MYMK: variants seen among roughly 807,000 people sequenced by gnomAD.
MYMK encodes protein myomaker.
MYMK carries 16 observed loss-of-function variants against 22.4 expected under a neutral mutation model. The observed-to-expected ratio is 0.72, with a 90% CI of 0.48 to 1.09. MYMK has a LOEUF of 1.09. MYMK is among the 50% of genes least tolerant of loss of function. The pLI is 0.00. For synonymous variants in MYMK, 125 were observed against 127.0 expected, an observed-to-expected ratio of 0.98 and a Z score of 0.11; for missense variants, 250 against 295.6, an observed-to-expected ratio of 0.85 and a Z score of 1.13.
intron 3 of MYMK, 57 bp downstream of exon 3, chr9:133,518,816 AG>A (rs1284956932): frequency 5.1e-6 from 8 of 1,570,326 alleles, no homozygotes; most frequent in Non-Finnish European, 6.9e-6. Flanking sequence ...GGAGTCAGAC[AG>A]GGGAGAGGTG....
intron 1 of MYMK, among the ~76,000 whole-genome samples, chr9:133,521,246 A>T (rs1333383055): frequency 1.3e-5 from 2 of 152,220 alleles, no homozygotes; most frequent in Non-Finnish European, 2.9e-5. Context: ...TCATCATTTT[A>T]GGTAATATTT....
intron 2 of MYMK, 100 bp from the exon 3 acceptor site, chr9:133,519,122 C>T: frequency 1.4e-6 from 2 of 1,453,814 alleles, no homozygotes. Context: ...CCTGTAGATG[C>T]CCTCTCTCGG....
chr9:133,516,118 T>C (rs1013515746), intron 3 of MYMK, among the ~76,000 whole-genome samples: 1 of 152,102 alleles, frequency 6.6e-6, no homozygotes, highest in African/African-American at 2.4e-5. Flanking sequence ...TGGCCAGCAC[T>C]GCTTCTCAGG....
chr9:133,519,302 C>G (rs114588947), intron 2 of MYMK, among the ~76,000 whole-genome samples: 3,536 of 152,168 alleles, frequency 0.023, 145 homozygotes, highest in African/African-American at 0.08. Flanking sequence ...TGTGGTGGCT[C>G]AGGTCTGCAA....
At chr9:133,516,331 T>C (rs1316697900) in intron 3 of MYMK, among the ~76,000 whole-genome samples, 1 of 152,162 alleles carries the variant, frequency 6.6e-6, no homozygotes, top group African/African-American at 2.4e-5. Flanking sequence ...CCTGGTCCCC[T>C]CTTGGGAGGG....
At chr9:133,514,926 G>A (rs897953597) in intron 4 of MYMK, 141 bp from the exon 5 acceptor site, 3 of 909,956 alleles carry the variant, frequency 3.3e-6, no homozygotes, top group East Asian at 2.7e-5. Flanking sequence ...CCACGGTCGC[G>A]CTCACAGTGG....
Position 133,520,286 on chromosome 9 carries a change from G to A in MYMK, c.138C>T (p.Leu46=), listed in dbSNP as rs991485768. The A allele has an allele frequency of 1.2e-6, 2 of 1,614,006 alleles. No homozygotes were observed. The highest frequency in any genetic ancestry group is 2.2e-5 in the East Asian group (1 of 44,876). Residue 46 remains leucine, a splice_region_variant and synonymous_variant, in exon 2 of 5, where the codon CTC becomes CTT. Transcript: ENST00000339996. ...VYLFTLFFVA[L]HHACNGPGLS... ...AGCCGGGTCCATTGCAGGCATGGTG[G>A]AGCTGCCAGAAAACCCACAGGTGGT...
chr9:133,520,425 T>C, intron 1 of MYMK, 137 bp from the exon 2 acceptor site: 2 of 676,454 alleles, frequency 3.0e-6, no homozygotes, highest in South Asian at 1.8e-5. Flanking sequence ...TGTGCCTCAG[T>C]CTCCCCGTCT....
At chr9:133,522,275 G>A (rs1274799106) in intron 1 of MYMK, among the ~76,000 whole-genome samples, 2 of 151,710 alleles carry the variant, frequency 1.3e-5, no homozygotes, top group African/African-American at 2.4e-5. Flanking sequence ...GGCCTGGGGG[G>A]TCAGAGCTCA....
chr9:133,520,307 G>A lies in MYMK; in HGVS notation c.136-19C>T. 6.2e-7 allele frequency: 1 copy of A among 1,608,756 alleles called. No homozygotes were observed. Among genetic ancestry groups the A allele is most frequent in the Non-Finnish European group, 8.5e-7 (1 of 1,175,324 alleles). Reference sequence around the variant, plus strand: ...GGTGGAGCTGCCAGAAAACCCACAGGTGGTCACAGCACAAAGAGGCCAGAG... The same window carrying A: ...GGTGGAGCTGCCAGAAAACCCACAGATGGTCACAGCACAAAGAGGCCAGAG... On this transcript the variant is annotated intron_variant, in intron 1 of 4. Transcript: ENST00000339996.
intron 2 of MYMK, 75 bp from the exon 3 acceptor site, chr9:133,519,097 GC>G (rs1322041670): frequency 1.3e-6 from 2 of 1,491,014 alleles, no homozygotes; most frequent in Non-Finnish European, 1.8e-6. Flanking sequence ...CCACCCCCCA[GC>G]CCCCAGGAGG....
chr9:133,520,400 G>C (rs1844689197), intron 1 of MYMK, 112 bp from the exon 2 acceptor site: 5 of 771,512 alleles, frequency 6.5e-6, no homozygotes, highest in African/African-American at 1.7e-5. Flanking sequence ...ACTTTGGCGA[G>C]TCACTTAATG....
At chr9:133,524,116 C>T (rs2131073055) in intron 1 of MYMK, among the ~76,000 whole-genome samples, 1 of 152,180 alleles carries the variant, frequency 6.6e-6, no homozygotes, top group Admixed American at 6.5e-5. Flanking sequence ...CGGAGACAGT[C>T]AGCCAGCCAG....
At chr9:133,519,149 G>C (rs554893264) in intron 2 of MYMK, 127 bp from the exon 3 acceptor site, 3 of 1,186,918 alleles carry the variant, frequency 2.5e-6, no homozygotes, top group East Asian at 2.5e-5. Flanking sequence ...CTCAGCCAGC[G>C]AGACCCTGAG....
rs1844619292 is a variant in MYMK at position 133,515,409 on chromosome 9, G to T, written c.516+82C>A. On this transcript the variant is annotated intron_variant, in intron 4 of 4. Transcript: ENST00000339996. The surrounding 1 kb of genome is among the most constrained non-coding windows in gnomAD (Gnocchi z 5.8). ...GGCTGTCAGAGTCCCCCCAGCGTGG[G>T]CACAGCCCTGGTATCCCAGCTGAGC... The T allele has an allele frequency of 1.0e-6, 1 of 978,816 alleles. No homozygotes were observed. The highest frequency in any genetic ancestry group is 1.6e-6 in the Non-Finnish European group (1 of 624,452). 60.6% of individuals were successfully genotyped at this position (978,816 alleles called of 1,614,324 possible). A position where few individuals can be genotyped will look rare whatever the true frequency, so the allele number is the denominator to read the frequency against.
chr9:133,521,594 A>T (rs999681557), intron 1 of MYMK, among the ~76,000 whole-genome samples: 1 of 152,190 alleles, frequency 6.6e-6, no homozygotes, highest in African/African-American at 2.4e-5. Context: ...CATCCAGAAG[A>T]CTATGCCGAG....
chr9:133,516,991 C>A (rs1844638148), intron 3 of MYMK, among the ~76,000 whole-genome samples: 1 of 152,180 alleles, frequency 6.6e-6, no homozygotes, highest in Non-Finnish European at 1.5e-5. Context: ...CAATTTGAGC[C>A]CCAGATGCGG....
At chr9:133,518,842 T>C (rs1174655677) in intron 3 of MYMK, 32 bp downstream of exon 3, 1 of 1,589,748 alleles carries the variant, frequency 6.3e-7, no homozygotes, top group Non-Finnish European at 8.6e-7. Context: ...GCCTCCTGGG[T>C]CCCCGTTCAT....
chr9:133,524,677 T>C lies in MYMK; in HGVS notation c.135+33A>G. On this transcript the variant is annotated intron_variant, in intron 1 of 4. Transcript: ENST00000339996. ...TCTCCTCTACCTCCAGGATGGGGCC[T>C]GTGTGGGACTTCCTCCCAGCCCCCA... The C allele has an allele frequency of 5.6e-6, 9 of 1,613,984 alleles. 1 individual carries two copies. The highest frequency in any genetic ancestry group is 7.6e-6 in the Non-Finnish European group (9 of 1,179,970).
Sources: gnomAD v4.1 joint callset for allele counts (sites outside exome capture counted in the v4.1 genomes callset) on GRCh38, gnomAD v4.1.1 for gene constraint, Gnocchi (gnomAD v3.1) non-coding constraint, MANE v1.5 for transcripts, NCBI Gene and HGNC (gene_info 2026-07-23, HGNC 2026-07-21) for gene names.